PTBP2: variants seen among roughly 807,000 people sequenced by gnomAD.
PTBP2 encodes polypyrimidine tract-binding protein 2.
PTBP2 carries 13 observed loss-of-function variants against 61.4 expected under a neutral mutation model. The observed-to-expected ratio is 0.21, with a 90% CI of 0.14 to 0.34. PTBP2 has a LOEUF of 0.34. Among genes scored for constraint, PTBP2 ranks in the 10% least tolerant of loss-of-function variants. The probability of loss-of-function intolerance (pLI) is 1.00; values close to 1 mark genes in which losing one functional copy is unlikely to be tolerated. For missense variants in PTBP2, 405 were observed against 642.6 expected (o/e 0.63, Z 4.00); for synonymous variants, 215 against 218.5 (o/e 0.98, Z 0.14).
At position 96,760,159 on chromosome 1, in the gene PTBP2, T is replaced by A. The variant is rs574906312; in HGVS notation, c.115+8659T>A. Among the ~76,000 whole-genome samples, 3 of 151,054 alleles carry A rather than the reference T, an allele frequency of 2.0e-5. No individual in the cohort carries two copies. The East Asian group carries it at 5.8e-4, about 29-fold the overall frequency. On this transcript the variant is annotated intron_variant, in intron 3 of 13. Transcript: ENST00000674951. ...CCATATCAATGACAAAGGACTTGTA[T>A]CCCAAAGGACTTGTAAAAAAAAAAC... is the stretch of plus-strand genomic sequence containing the variant.
intron 2 of PTBP2, among the ~76,000 whole-genome samples, chr1:96,724,218 C>G (rs139464668): frequency 1.3e-5 from 2 of 151,734 alleles, no homozygotes; most frequent in Non-Finnish European, 2.9e-5. Flanking sequence ...TGAGTACTTG[C>G]AACTTTTAAT....
chr1:96,748,070 G>A (rs938938277), intron 2 of PTBP2, among the ~76,000 whole-genome samples: 1 of 151,698 alleles, frequency 6.6e-6, no homozygotes, highest in Non-Finnish European at 1.5e-5. Flanking sequence ...TACTCACCTG[G>A]GTACGTACCT....
At chr1:96,799,437 A>G (rs1186199542) in intron 8 of PTBP2, among the ~76,000 whole-genome samples, 1 of 151,698 alleles carries the variant, frequency 6.6e-6, no homozygotes. Context: ...CTGCTACTAC[A>G]GGTGCCTGCC....
At chr1:96,773,986 C>T (rs1657712505) in intron 5 of PTBP2, among the ~76,000 whole-genome samples, 1 of 146,630 alleles carries the variant, frequency 6.8e-6, no homozygotes, top group African/African-American at 2.5e-5. Flanking sequence ...AAAAAGAATT[C>T]CTGGTACCAG....
intron 5 of PTBP2, among the ~76,000 whole-genome samples, chr1:96,774,870 A>G (rs528344511): frequency 3.3e-5 from 5 of 151,966 alleles, no homozygotes; most frequent in South Asian, 4.2e-4. Flanking sequence ...CTCCCACCCT[A>G]TTTGCTTATG....
intron 2 of PTBP2, among the ~76,000 whole-genome samples, chr1:96,745,323 C>T (rs887879481): frequency 3.3e-5 from 5 of 152,022 alleles, no homozygotes; most frequent in Non-Finnish European, 7.4e-5. Context: ...CCACCACACC[C>T]GGCTAATTTT....
At chr1:96,723,725 T>G (rs2100767835) in intron 2 of PTBP2, 131 bp downstream of exon 2, 1 of 755,074 alleles carries the variant, frequency 1.3e-6, no homozygotes, top group Non-Finnish European at 2.1e-6. Flanking sequence ...TCCTTTCATT[T>G]GTAAAGTTGG....
chr1:96,741,261 A>T (rs1652978366), intron 2 of PTBP2, among the ~76,000 whole-genome samples: 1 of 149,384 alleles, frequency 6.7e-6, no homozygotes, highest in Non-Finnish European at 1.5e-5. Flanking sequence ...GTTTTGTTTC[A>T]TTTTTGTTTT....
chr1:96,776,541 C>A (rs1229623150), intron 5 of PTBP2, among the ~76,000 whole-genome samples: 1 of 151,778 alleles, frequency 6.6e-6, no homozygotes, highest in Non-Finnish European at 1.5e-5. Context: ...GTTTATTCTC[C>A]TGAGTGTCCT....
intron 5 of PTBP2, among the ~76,000 whole-genome samples, chr1:96,772,651 G>T (rs893126299): frequency 1.3e-5 from 2 of 152,058 alleles, no homozygotes; most frequent in African/African-American, 4.8e-5. Context: ...GATTACATAT[G>T]TAAGTGAGAT....
At chr1:96,816,062 G>A (rs1248665718), downstream of PTBP2, 1 of 152,134 alleles carries the variant, frequency 6.6e-6, no homozygotes, top group African/African-American at 2.4e-5. Context: ...ACTAAGTCCT[G>A]AGCTGTGTGT....
chr1:96,729,184 G>A (rs1651020652), intron 2 of PTBP2, among the ~76,000 whole-genome samples: 1 of 152,052 alleles, frequency 6.6e-6, no homozygotes, highest in African/African-American at 2.4e-5. Context: ...ACCACGCCCA[G>A]CTAATTTTTG....
chr1:96,773,225 G>A (rs988367868), intron 5 of PTBP2, among the ~76,000 whole-genome samples: 1 of 151,736 alleles, frequency 6.6e-6, no homozygotes, highest in African/African-American at 2.4e-5. Flanking sequence ...CATTGAGAGG[G>A]GATATTTGAA....
chr1:96,755,941 A>G (rs1655106557), intron 3 of PTBP2, among the ~76,000 whole-genome samples: 1 of 152,166 alleles, frequency 6.6e-6, no homozygotes, highest in African/African-American at 2.4e-5. Context: ...AAACTTGTCA[A>G]ATTTTATAAT....
At chr1:96,762,861 A>G (rs1194445828) in intron 3 of PTBP2, among the ~76,000 whole-genome samples, 2 of 141,050 alleles carry the variant, frequency 1.4e-5, no homozygotes, top group East Asian at 2.2e-4. Context: ...CGCTTCTCAG[A>G]TGGGGCGGCC....
chr1:96,813,615 C>T lies in PTBP2; in HGVS notation c.*210C>T, dbSNP rs1662279834. The T allele has an allele frequency of 6.3e-6, 2 of 317,118 alleles. No homozygotes were observed. Among genetic ancestry groups the T allele is most frequent in the African/African-American group, 2.5e-5 (1 of 39,990 alleles). 19.6% of individuals were successfully genotyped at this position (317,118 alleles called of 1,614,324 possible). ...TGTTAACTGCTATATTTCATCTGTT[C>T]TATAGGGAAGCCATTTTGTCTGTTT... On this transcript the variant is annotated 3_prime_UTR_variant, in exon 14 of 14. Transcript: ENST00000674951.
chr1:96,773,824 G>A (rs1293740732), intron 5 of PTBP2, among the ~76,000 whole-genome samples: 5 of 151,876 alleles, frequency 3.3e-5, no homozygotes, highest in South Asian at 4.2e-4. Flanking sequence ...TTAGCTGGGC[G>A]TGGTGGCGGG....
At chr1:96,817,370 A>C (rs1020735137), downstream of PTBP2, 1 of 142,290 alleles carries the variant, frequency 7.0e-6, no homozygotes, top group Non-Finnish European at 1.5e-5. Flanking sequence ...GCAAGAATTC[A>C]GCAGAAAGTC....
At chr1:96,819,726 G>C (rs1017415034), downstream of PTBP2, 3 of 148,988 alleles carry the variant, frequency 2.0e-5, no homozygotes, top group Non-Finnish European at 3.0e-5. Flanking sequence ...TTCCAGTTTT[G>C]TGTTGTTTTG....
Sources: allele counts gnomAD v4.1 joint callset (sites outside exome capture counted in the v4.1 genomes callset), GRCh38; gene constraint gnomAD v4.1.1; transcripts MANE v1.5; gene names NCBI Gene and HGNC (gene_info 2026-07-23, HGNC 2026-07-21).